Variants in APBA1 observed in about 807,000 individuals in gnomAD.
The protein encoded by APBA1 is amyloid beta precursor protein binding family A member 1.
Under a neutral mutation model 86.6 loss-of-function variants are expected in APBA1, and 55 were observed. That is an observed-to-expected ratio of 0.64 (90% confidence interval 0.51 to 0.80). The LOEUF (loss-of-function observed/expected upper bound fraction) is 0.80. APBA1 is among the 30% of genes least tolerant of loss of function. The pLI, the probability that APBA1 is intolerant of heterozygous loss-of-function variation, is 0.00. For synonymous variants in APBA1, 511 were observed against 493.9 expected, an observed-to-expected ratio of 1.03 and a Z score of -0.46; for missense variants, 1,090 against 1,183.0, an observed-to-expected ratio of 0.92 and a Z score of 1.15.
At chr9:69,442,523 G>C (rs1354813788) in intron 10 of APBA1, among the ~76,000 whole-genome samples, 3 of 152,154 alleles carry the variant, frequency 2.0e-5, no homozygotes, top group Non-Finnish European at 4.4e-5. Flanking sequence ...AGCTACCAGG[G>C]AATGAGGAGG....
intron 1 of APBA1, among the ~76,000 whole-genome samples, chr9:69,600,731 G>A (rs962872920): frequency 6.6e-6 from 1 of 151,624 alleles, no homozygotes; most frequent in Non-Finnish European, 1.5e-5. Context: ...CCTGGGAGGT[G>A]GAGGTTGCAG....
In APBA1 at chr9:69,517,243, G is replaced by T; in HGVS notation, c.-33C>A. On this transcript the variant is annotated 5_prime_UTR_variant, in exon 2 of 13. Transcript: ENST00000265381. ...GTCGGAACGGCTAGGAGAGAAGCTG[G>T]GCCCGGCTCACTGCGCTCTCATTTT... 3 of 1,430,928 alleles carry T rather than the reference G, an allele frequency of 2.1e-6. No homozygotes were observed. Among genetic ancestry groups the T allele is most frequent in the East Asian group, 5.3e-5 (2 of 37,650 alleles). The allele number at this position is 1,430,928 out of a possible 1,614,324, so 88.6% of individuals were successfully genotyped here.
At chr9:69,518,393 C>G (rs928075780) in intron 1 of APBA1, among the ~76,000 whole-genome samples, 7 of 152,084 alleles carry the variant, frequency 4.6e-5, no homozygotes, top group African/African-American at 1.4e-4. Context: ...ATCTAAAATT[C>G]TAAGATTTTA....
intron 1 of APBA1, among the ~76,000 whole-genome samples, chr9:69,556,711 C>T (rs1300891307): frequency 6.6e-6 from 1 of 152,130 alleles, no homozygotes; most frequent in Admixed American, 6.5e-5. Flanking sequence ...CAAAAGCACC[C>T]ATGGGATACA....
intron 1 of APBA1, among the ~76,000 whole-genome samples, chr9:69,518,743 T>C (rs1285833258): frequency 1.3e-5 from 2 of 152,172 alleles, no homozygotes; most frequent in East Asian, 3.9e-4. Context: ...AACTCTTAAA[T>C]ATGATAACAG....
intron 4 of APBA1, 118 bp from the exon 5 acceptor site, chr9:69,468,086 C>T: frequency 8.1e-7 from 1 of 1,227,842 alleles, no homozygotes; most frequent in Non-Finnish European, 1.1e-6. Flanking sequence ...GCAGAGCCAA[C>T]CTGCTGGTCT....
At chr9:69,552,753 T>C (rs1459753005) in intron 1 of APBA1, among the ~76,000 whole-genome samples, 1 of 152,198 alleles carries the variant, frequency 6.6e-6, no homozygotes, top group Non-Finnish European at 1.5e-5. Flanking sequence ...CAGGTTTCAT[T>C]GGGTTTTAAA....
At chr9:69,642,457 T>C (rs2134008855) in intron 1 of APBA1, among the ~76,000 whole-genome samples, 2 of 152,256 alleles carry the variant, frequency 1.3e-5, no homozygotes, top group East Asian at 3.9e-4. Flanking sequence ...AAATTCCAAG[T>C]GTTGACAAGG....
chr9:69,652,287 C>A (rs2134016918), intron 1 of APBA1, among the ~76,000 whole-genome samples: 1 of 152,152 alleles, frequency 6.6e-6, no homozygotes, highest in East Asian at 1.9e-4. Flanking sequence ...TAGACACAGG[C>A]CCTCTGGTTT....
chr9:69,491,539 C>T (rs1029764692), intron 2 of APBA1, among the ~76,000 whole-genome samples: 7 of 150,834 alleles, frequency 4.6e-5, no homozygotes, highest in African/African-American at 1.5e-4. Flanking sequence ...ACCAACGTGG[C>T]GCATGTATAC....
In APBA1 at chr9:69,432,619, G is replaced by A; in HGVS notation, c.2359C>T (p.Arg787Trp). The A allele has an allele frequency of 4.4e-6, 7 of 1,606,122 alleles. No individual in the cohort carries two copies. The highest frequency in any genetic ancestry group is 2.2e-5 in the South Asian group (2 of 90,004). Residue 787 changes from arginine to tryptophan, a missense_variant, in exon 12 of 13, where the codon CGG becomes TGG. Coordinates refer to ENST00000265381, the MANE Select transcript of APBA1 (RefSeq NM_001163.4). The part of the protein sequence containing the change: ...AERGGVRVGH[R>W]IIEINGQSVV... Reference sequence around the variant, plus strand: ...CTCTGTCCATTGATTTCAATGATCCGGTGCCCCACACGGACGCCTCCTCTC... The same window carrying A: ...CTCTGTCCATTGATTTCAATGATCCAGTGCCCCACACGGACGCCTCCTCTC...
intron 1 of APBA1, among the ~76,000 whole-genome samples, chr9:69,609,289 A>AAT (rs1283705543): frequency 6.6e-6 from 1 of 152,148 alleles, no homozygotes; most frequent in African/African-American, 2.4e-5. Context: ...TTCATGTGCA[A>AAT]ATGCCTAATA....
At chr9:69,519,656 C>T (rs10481753) in intron 1 of APBA1, among the ~76,000 whole-genome samples, 27,492 of 152,038 alleles carry the variant, frequency 0.18, 2,576 homozygotes, top group Admixed American at 0.23. Context: ...GTGTGGTCAG[C>T]GTAAGAAAAA....
In APBA1 at chr9:69,591,202, C is replaced by A. The variant is rs12350962; in HGVS notation, c.-69-73923G>T. Among the ~76,000 whole-genome samples the A allele has an allele frequency of 9.0e-3, 1,368 of 152,322 alleles. 11 individuals are homozygous for A. The highest frequency in any genetic ancestry group is 0.027 in the Middle Eastern group (8 of 292). Reference sequence around the variant, plus strand: ...GGTCCTGATGATGTCCAGTTAACTGCATTTCCCCCTCTCTCCAGGTGCCTC... The same window carrying A: ...GGTCCTGATGATGTCCAGTTAACTGAATTTCCCCCTCTCTCCAGGTGCCTC... On this transcript the variant is annotated intron_variant, in intron 1 of 12. Coordinates refer to ENST00000265381, the MANE Select transcript of APBA1 (RefSeq NM_001163.4).
chr9:69,616,055 T>C (rs1414999745), intron 1 of APBA1, among the ~76,000 whole-genome samples: 1 of 152,206 alleles, frequency 6.6e-6, no homozygotes, highest in African/African-American at 2.4e-5. Flanking sequence ...AGCAGGATAA[T>C]GACGTAATTG....
chr9:69,607,545 T>C (rs1212598346), intron 1 of APBA1, among the ~76,000 whole-genome samples: 1 of 152,204 alleles, frequency 6.6e-6, no homozygotes, highest in African/African-American at 2.4e-5. Flanking sequence ...GTTTTTTTAA[T>C]TCAAGCTTCC....
At chr9:69,616,775 G>T (rs1279161991) in intron 1 of APBA1, among the ~76,000 whole-genome samples, 1 of 152,160 alleles carries the variant, frequency 6.6e-6, no homozygotes, top group Non-Finnish European at 1.5e-5. Context: ...CAGGTCCATT[G>T]CAGCACTGAG....
chr9:69,612,318 T>TG (rs1822606560), intron 1 of APBA1, among the ~76,000 whole-genome samples: 1 of 152,052 alleles, frequency 6.6e-6, no homozygotes, highest in Non-Finnish European at 1.5e-5. Flanking sequence ...TAAAAATAAA[T>TG]TAGGGAAATG....
chr9:69,518,787 C>T (rs1836207707), intron 1 of APBA1, among the ~76,000 whole-genome samples: 2 of 152,068 alleles, frequency 1.3e-5, no homozygotes, highest in South Asian at 4.2e-4. Flanking sequence ...ATCTGATGGA[C>T]TCTCTAGTAG....
Sources: gnomAD v4.1 joint callset for allele counts (sites outside exome capture counted in the v4.1 genomes callset) on GRCh38, gnomAD v4.1.1 for gene constraint, MANE v1.5 for transcripts, NCBI Gene and HGNC (gene_info 2026-07-23, HGNC 2026-07-21) for gene names.